The following PLCL1 variants were observed in gnomAD, a reference collection of about 807,000 sequenced individuals.
PLCL1 encodes the protein inactive phospholipase C-like protein 1.
A neutral mutation model predicts 84.4 loss-of-function variants in PLCL1; 41 were observed. The ratio of observed to expected loss-of-function variants is 0.49; its 90% CI spans 0.38 to 0.63. The LOEUF (loss-of-function observed/expected upper bound fraction) is 0.63. Among genes scored for constraint, PLCL1 ranks in the 30% least tolerant of loss-of-function variants. PLCL1 has a pLI of 0.00. For missense variants in PLCL1, 1,206 were observed against 1,367.8 expected, an observed-to-expected ratio of 0.88 and a Z score of 1.87; for synonymous variants, 490 against 488.3, an observed-to-expected ratio of 1.00 and a Z score of -0.05.
chr2:198,039,842 G>T (rs957867125), intron 1 of PLCL1, among the ~76,000 whole-genome samples: 95 of 152,336 alleles, frequency 6.2e-4, no homozygotes, highest in African/African-American at 2.2e-3. Context: ...TTCTCTGCAA[G>T]ATTGGTCAAT....
chr2:197,893,901 C>A (rs1024474736), intron 1 of PLCL1, among the ~76,000 whole-genome samples: 3 of 151,896 alleles, frequency 2.0e-5, no homozygotes, highest in Non-Finnish European at 2.9e-5. Flanking sequence ...GAGACCCAGG[C>A]TCTTTGACTT....
intron 5 of PLCL1, among the ~76,000 whole-genome samples, chr2:198,131,417 C>T (rs1694115706): frequency 6.6e-6 from 1 of 152,176 alleles, no homozygotes; most frequent in Non-Finnish European, 1.5e-5. Flanking sequence ...ACGAGACAGT[C>T]TCTATTATTG....
At chr2:198,054,231 A>G (rs965817303) in intron 1 of PLCL1, among the ~76,000 whole-genome samples, 10 of 152,370 alleles carry the variant, frequency 6.6e-5, no homozygotes, top group African/African-American at 2.4e-4. Context: ...GTGTAAAAGT[A>G]TAATTCAAGT....
Position 197,935,713 on chromosome 2 carries a change from C to T in PLCL1, c.240+130374C>T, listed in dbSNP as rs117853562. 2.6e-5 allele frequency among the ~76,000 whole-genome samples: 4 copies of T among 152,250 alleles called. No homozygotes were observed. The East Asian group carries it at 7.7e-4, about 29-fold the overall frequency. On this transcript the variant is annotated intron_variant, in intron 1 of 5. Transcript: ENST00000428675. The stretch of plus-strand genomic sequence containing the variant: ...TAATCTGTACACCCAACCCCTGTGA[C>T]ACACAATTTACCTATACAACAAACC...
intron 1 of PLCL1, among the ~76,000 whole-genome samples, chr2:197,973,949 A>G (rs1415158549): frequency 1.3e-5 from 2 of 152,232 alleles, no homozygotes; most frequent in Non-Finnish European, 2.9e-5. Context: ...TTATCTAGTC[A>G]TCCAACTGAG....
intron 1 of PLCL1, among the ~76,000 whole-genome samples, chr2:197,995,136 C>G (rs1280620529): frequency 6.6e-6 from 1 of 152,132 alleles, no homozygotes; most frequent in Non-Finnish European, 1.5e-5. Context: ...TCATTTTGCT[C>G]TGTTTTGTTT....
chr2:197,920,579 A>T (rs907769818), intron 1 of PLCL1, among the ~76,000 whole-genome samples: 5 of 152,210 alleles, frequency 3.3e-5, no homozygotes, highest in African/African-American at 1.2e-4. Flanking sequence ...GAGTAAGTAT[A>T]TAATAACATA....
chr2:197,961,155 G>T (rs1689613288), intron 1 of PLCL1, among the ~76,000 whole-genome samples: 1 of 151,542 alleles, frequency 6.6e-6, no homozygotes, highest in African/African-American at 2.4e-5. Flanking sequence ...GTGTGTATTT[G>T]AATATTCATT....
rs757414900 is a variant in PLCL1 at position 198,084,936 on chromosome 2, G to A, written c.1419G>A (p.Glu473=). ...TTHVSFRSVI[E]VINKFAFVAS... is the part of the protein sequence containing the mutation. The stretch of plus-strand genomic sequence containing the variant: ...ATGTTTCCTTTCGAAGTGTCATAGA[G>A]GTAATAAATAAATTTGCCTTTGTTG... The change falls in exon 2 of 6, where the codon GAG becomes GAA. Residue 473 remains glutamate (E), a synonymous_variant. Transcript: ENST00000428675. The A allele has an allele frequency of 8.1e-6, 13 of 1,613,818 alleles. No individual in the cohort carries two copies. The highest frequency in any genetic ancestry group is 1.3e-5 in the African/African-American group (1 of 74,902).
At chr2:197,867,542 T>A (rs1339526426) in intron 1 of PLCL1, among the ~76,000 whole-genome samples, 1 of 152,148 alleles carries the variant, frequency 6.6e-6, no homozygotes, top group Non-Finnish European at 1.5e-5. Flanking sequence ...GAAATAGACA[T>A]AGTTTCTAAT....
chr2:198,145,447 G>A (rs1462886384), intron 5 of PLCL1, among the ~76,000 whole-genome samples: 1 of 152,162 alleles, frequency 6.6e-6, no homozygotes, highest in Non-Finnish European at 1.5e-5. Flanking sequence ...CCAGCTCAGC[G>A]ATTAACCAGC....
At chr2:198,060,682 A>G (rs1692175047) in intron 1 of PLCL1, among the ~76,000 whole-genome samples, 1 of 152,168 alleles carries the variant, frequency 6.6e-6, no homozygotes, top group Non-Finnish European at 1.5e-5. Flanking sequence ...GAACTTTTTG[A>G]TTAGCATAGT....
At chr2:197,965,138 G>A (rs962762641) in intron 1 of PLCL1, among the ~76,000 whole-genome samples, 43 of 152,198 alleles carry the variant, frequency 2.8e-4, no homozygotes, top group African/African-American at 1.0e-3. Flanking sequence ...AGTAGTATTA[G>A]TTTTTCTTTA....
chr2:197,968,907 A>T (rs1344744195), intron 1 of PLCL1, among the ~76,000 whole-genome samples: 1 of 152,176 alleles, frequency 6.6e-6, no homozygotes, highest in South Asian at 2.1e-4. Context: ...AGAGTAATTC[A>T]TTTAAAACAG....
intron 1 of PLCL1, chr2:198,001,857 C>A (rs886808080): frequency 4.8e-6 from 1 of 209,780 alleles, no homozygotes; most frequent in Non-Finnish European, 1.0e-5. Flanking sequence ...AGCGCGAAAC[C>A]CTATTGTGAA....
Position 197,804,968 on chromosome 2 carries a change from C to A in PLCL1, c.-132C>A. 1 of 1,160,690 alleles carries A rather than the reference C, an allele frequency of 8.6e-7. No homozygotes were observed. Among genetic ancestry groups the A allele is most frequent in the Non-Finnish European group, 1.2e-6 (1 of 859,982 alleles). 71.9% of individuals were successfully genotyped at this position (1,160,690 alleles called of 1,614,324 possible). ...GCCGCCGCCGCCGCCGCCGCCGCCA[C>A]TGCCGCCGCTGGGCGGTGAAACAAA... On this transcript the variant is annotated 5_prime_UTR_variant, in exon 1 of 6. In the 5' UTR this introduces an upstream ATG that the reference lacks. Coordinates refer to ENST00000428675, the MANE Select transcript of PLCL1 (RefSeq NM_006226.4).
At chr2:198,066,284 G>T (rs1336493302) in intron 1 of PLCL1, among the ~76,000 whole-genome samples, 2 of 152,090 alleles carry the variant, frequency 1.3e-5, no homozygotes, top group Admixed American at 6.5e-5. Context: ...TTTATCTTAG[G>T]ATCTAGTTCC....
chr2:198,076,273 A>G (rs577176019), intron 1 of PLCL1, among the ~76,000 whole-genome samples: 7 of 152,146 alleles, frequency 4.6e-5, no homozygotes, highest in Non-Finnish European at 1.0e-4. Context: ...TGTAAAATTT[A>G]GAGGGTCACT....
rs1487475462 is a variant in PLCL1 at position 198,012,853 on chromosome 2, A to G, written c.241-70905A>G. Reference sequence around the variant, plus strand: ...GTTCTGATGACAAAGCATACCTTACATATATTCTATAGATAGTTTATTTGT... The same window carrying G: ...GTTCTGATGACAAAGCATACCTTACGTATATTCTATAGATAGTTTATTTGT... On this transcript the variant is annotated intron_variant, in intron 1 of 5. Coordinates refer to ENST00000428675, the MANE Select transcript of PLCL1 (RefSeq NM_006226.4). Among the ~76,000 whole-genome samples the G allele has an allele frequency of 2.0e-5, 3 of 152,118 alleles. No individual in the cohort carries two copies. The East Asian group carries it at 5.8e-4, about 29-fold the overall frequency.
Sources: gnomAD v4.1 joint callset for allele counts (sites outside exome capture counted in the v4.1 genomes callset) on GRCh38, gnomAD v4.1.1 for gene constraint, MANE v1.5 for transcripts, NCBI Gene and HGNC (gene_info 2026-07-23, HGNC 2026-07-21) for gene names.